Variants in HPSE2 observed in about 807,000 individuals in gnomAD.
HPSE2 encodes the protein inactive heparanase-2.
In HPSE2, 38 loss-of-function variants were observed where a neutral mutation model predicts 60.5. That is an observed-to-expected ratio of 0.63 (90% CI 0.48 to 0.82). The LOEUF (loss-of-function observed/expected upper bound fraction) is 0.82. Among genes scored for constraint, HPSE2 ranks in the 40% least tolerant of loss-of-function variants. The pLI is 0.00. For missense variants in HPSE2, 713 were observed against 740.4 expected, an observed-to-expected ratio of 0.96 and a Z score of 0.43; for synonymous variants, 295 against 293.2, an observed-to-expected ratio of 1.01 and a Z score of -0.06.
chr10:98,564,919 C>T (rs1944296734), intron 9 of HPSE2, among the ~76,000 whole-genome samples: 1 of 152,058 alleles, frequency 6.6e-6, no homozygotes, highest in Non-Finnish European at 1.5e-5. Context: ...CAGGATGGGA[C>T]AAAATCCAAA....
the HPSE2 span, among the ~76,000 whole-genome samples, chr10:99,302,210 C>T: frequency 1.3e-5 from 2 of 152,138 alleles, no homozygotes; most frequent in Admixed American, 6.5e-5. Context: ...TCGGGGCCCT[C>T]CAATTAGGAA....
At chr10:98,724,677 T>C (rs986077476) in intron 4 of HPSE2, among the ~76,000 whole-genome samples, 11 of 152,182 alleles carry the variant, frequency 7.2e-5, no homozygotes, top group African/African-American at 2.7e-4. Context: ...ATATTTAGGA[T>C]AGTTAGCTCT....
At chr10:98,832,659 C>T (rs1303982965) in intron 3 of HPSE2, among the ~76,000 whole-genome samples, 1 of 152,126 alleles carries the variant, frequency 6.6e-6, no homozygotes, top group Non-Finnish European at 1.5e-5. Context: ...ATAACGACCA[C>T]TCTTTTCAGA....
Position 98,653,187 on chromosome 10 carries a change from A to C in HPSE2, c.1005-11247T>G, listed in dbSNP as rs886076917. Among the ~76,000 whole-genome samples the C allele has an allele frequency of 5.9e-5, 9 of 152,174 alleles. No individual in the cohort carries two copies. The South Asian group carries it at 1.9e-3, about 32-fold the overall frequency. ...ACATAGCTGCTTCAGCCATCCTTTG[A>C]TTTGTGTGTGCATGGTGTACTTCTC... On this transcript the variant is annotated intron_variant, in intron 6 of 11. Transcript: ENST00000370552.
At chr10:98,804,720 T>C (rs941345875) in intron 3 of HPSE2, among the ~76,000 whole-genome samples, 2 of 152,198 alleles carry the variant, frequency 1.3e-5, no homozygotes, top group African/African-American at 2.4e-5. Flanking sequence ...GAAAAAAGTT[T>C]GGAGGTTCCT....
In HPSE2 at chr10:98,487,125, C is replaced by T. The variant is rs560851423; in HGVS notation, c.1466+2926G>A. 9.2e-5 allele frequency among the ~76,000 whole-genome samples: 14 copies of T among 152,258 alleles called. No individual in the cohort carries two copies. In the East Asian group the frequency reaches 1.2e-3, roughly 13 times the overall value. On this transcript the variant is annotated intron_variant, in intron 10 of 11. Transcript: ENST00000370552. ...ACCTCATCTCCACCCCAGAAACATA[C>T]GTTGTTTCAGCAGAATGGCTCATAA...
At chr10:98,529,578 GTTTC>G (rs1250161510) in intron 9 of HPSE2, among the ~76,000 whole-genome samples, 2 of 152,124 alleles carry the variant, frequency 1.3e-5, no homozygotes, top group African/African-American at 2.4e-5. Context: ...TGTTTCTCTA[GTTTC>G]TTTATCAAGC....
At chr10:99,164,275 AT>A (rs1489608341) in intron 2 of HPSE2, among the ~76,000 whole-genome samples, 4 of 93,108 alleles carry the variant, frequency 4.3e-5, no homozygotes, top group Non-Finnish European at 2.2e-5. Flanking sequence ...ATATATATAT[AT>A]ATATATGAAC....
intron 1 of HPSE2, among the ~76,000 whole-genome samples, chr10:99,234,138 G>A (rs1176705309): frequency 1.3e-5 from 2 of 152,214 alleles, no homozygotes. Context: ...AAGAGCTTTC[G>A]AAGAGGAAGC....
chr10:99,215,302 A>G (rs1849082255), intron 2 of HPSE2, among the ~76,000 whole-genome samples: 1 of 152,214 alleles, frequency 6.6e-6, no homozygotes. Context: ...GAATGAAATC[A>G]TGCTTTGCAA....
At chr10:99,234,198 G>T (rs766829152) in intron 1 of HPSE2, among the ~76,000 whole-genome samples, 4 of 152,192 alleles carry the variant, frequency 2.6e-5, no homozygotes, top group South Asian at 2.1e-4. Flanking sequence ...CGCACCAACA[G>T]GAACCGAAAC....
At chr10:98,691,220 G>A (rs1948069683) in intron 6 of HPSE2, among the ~76,000 whole-genome samples, 1 of 152,144 alleles carries the variant, frequency 6.6e-6, no homozygotes, top group Admixed American at 6.5e-5. Flanking sequence ...GGCTGGAAAG[G>A]ATAAATTGTA....
At chr10:99,290,454 G>A in the HPSE2 span, among the ~76,000 whole-genome samples, 8 of 152,192 alleles carry the variant, frequency 5.3e-5, no homozygotes, top group Non-Finnish European at 1.2e-4. Context: ...GGGTGCCACT[G>A]AGCCCAACTG....
chr10:98,500,831 C>G (rs1332467590), intron 9 of HPSE2, among the ~76,000 whole-genome samples: 1 of 151,884 alleles, frequency 6.6e-6, no homozygotes, highest in Non-Finnish European at 1.5e-5. Flanking sequence ...GAGAGAAAGT[C>G]TAAATAACCT....
chr10:98,931,707 G>C (rs1170450500), intron 3 of HPSE2, among the ~76,000 whole-genome samples: 1 of 143,256 alleles, frequency 7.0e-6, no homozygotes, highest in Non-Finnish European at 1.5e-5. Flanking sequence ...GTATTCCTAG[G>C]TATTTTATTC....
intron 3 of HPSE2, among the ~76,000 whole-genome samples, chr10:99,014,576 G>A (rs1237792862): frequency 6.6e-6 from 1 of 152,130 alleles, no homozygotes. Flanking sequence ...CACAAACAGT[G>A]TATAAGTGTT....
chr10:98,510,769 A>C (rs113241311), intron 9 of HPSE2, among the ~76,000 whole-genome samples: 3,696 of 152,336 alleles, frequency 0.024, 55 homozygotes, highest in Middle Eastern at 0.068. Flanking sequence ...GGGGAATGCA[A>C]AGATGAACAA....
chr10:98,804,882 A>G (rs1362812500), intron 3 of HPSE2, among the ~76,000 whole-genome samples: 1 of 152,214 alleles, frequency 6.6e-6, no homozygotes, highest in African/African-American at 2.4e-5. Context: ...CAAGCAACCC[A>G]AGTGTCCATA....
chr10:98,778,483 G>C (rs908085141), intron 3 of HPSE2, among the ~76,000 whole-genome samples: 7 of 152,124 alleles, frequency 4.6e-5, no homozygotes, highest in Non-Finnish European at 8.8e-5. Flanking sequence ...GTGAGGGTCA[G>C]TGGGGCAAGT....
Sources: allele counts gnomAD v4.1 joint callset (sites outside exome capture counted in the v4.1 genomes callset), GRCh38; gene constraint gnomAD v4.1.1; transcripts MANE v1.5; gene names NCBI Gene and HGNC (gene_info 2026-07-23, HGNC 2026-07-21).